SIM2: variants seen among roughly 807,000 people sequenced by gnomAD.
SIM2 encodes SIM bHLH transcription factor 2.
In SIM2, 28 loss-of-function variants were observed where a neutral mutation model predicts 64.8. That is an observed-to-expected ratio of 0.43 (90% CI 0.32 to 0.59). SIM2 has a LOEUF of 0.59. Among genes scored for constraint, SIM2 ranks in the 20% least tolerant of loss-of-function variants. The probability of loss-of-function intolerance (pLI) is 0.07; values close to 1 mark genes in which losing one functional copy is unlikely to be tolerated. For synonymous variants in SIM2, 408 were observed against 391.1 expected, an observed-to-expected ratio of 1.04 and a Z score of -0.51; for missense variants, 847 against 871.4, an observed-to-expected ratio of 0.97 and a Z score of 0.35.
In SIM2 at chr21:36,744,968, G is replaced by A. The variant is rs1413156612; in HGVS notation, c.1408G>A (p.Gly470Arg). 6.2e-7 allele frequency: 1 copy of A among 1,614,148 alleles called. No homozygotes were observed. The highest frequency in any genetic ancestry group is 8.5e-7 in the Non-Finnish European group (1 of 1,180,058). Residue 470 changes from glycine (G) to arginine (R), a missense_variant, in exon 10 of 11, where the codon GGA becomes AGA. Gly to Arg is a moderately radical substitution (Grantham distance 125, BLOSUM62 -2). Around this residue, in one of 3 missense-constraint regions of SIM2, gnomAD observed 447 missense variants for 414.6 expected, o/e 1.08. Coordinates refer to ENST00000290399, the MANE Select transcript of SIM2 (RefSeq NM_005069.6). ...MLPAKFGQPQGSPCEVARFFL... is the reference protein window; with the variant it reads ...MLPAKFGQPQRSPCEVARFFL... ...GCCGGCCAAGTTCGGGCAGCCCCAA[G>A]GATCCCCTTGTGAGGTGGCACGCTT...
chr21:36,701,999 G>C (rs1231829950), intron 1 of SIM2, among the ~76,000 whole-genome samples: 2 of 152,238 alleles, frequency 1.3e-5, no homozygotes, highest in African/African-American at 4.8e-5. Flanking sequence ...AAATTAGTAA[G>C]GGAGGGCCGA....
At chr21:36,720,257 C>T in intron 4 of SIM2, 1 of 261,882 alleles carries the variant, frequency 3.8e-6, no homozygotes, top group Non-Finnish European at 7.4e-6. Flanking sequence ...CTAGACCAAG[C>T]TTCTCCTTAA....
chr21:36,731,152 G>A lies in SIM2; in HGVS notation c.850+1G>A, dbSNP rs763853956. ...CACCTCCGCTACGCACACCACCTCC[G>A]TGAGTAGCACGCCCACCCCAGCCAC... On this transcript the variant is annotated splice_donor_variant, in intron 7 of 10. Coordinates refer to ENST00000290399, the MANE Select transcript of SIM2 (RefSeq NM_005069.6). LOFTEE classifies it high-confidence loss of function. 3.1e-6 allele frequency: 5 copies of A among 1,612,312 alleles called. No homozygotes were observed. The highest frequency in any genetic ancestry group is 2.7e-5 in the African/African-American group (2 of 74,890).
chr21:36,718,193 C>G (rs950279613), intron 3 of SIM2, among the ~76,000 whole-genome samples: 1 of 152,218 alleles, frequency 6.6e-6, no homozygotes, highest in South Asian at 2.1e-4. Flanking sequence ...GAAAGCAACT[C>G]GCTCTTCTTA....
In SIM2 at chr21:36,747,936, AC is replaced by A. The variant is rs1488317428; in HGVS notation, c.1851del (p.Ala618ProfsTer88). The A allele has an allele frequency of 9.7e-7, 1 of 1,028,158 alleles. No homozygotes were observed. The highest frequency in any genetic ancestry group is 5.3e-5 in the Admixed American group (1 of 18,978). The allele number at this position is 1,028,158 out of a possible 1,614,324, so 63.7% of individuals were successfully genotyped here. A position where few individuals can be genotyped will look rare whatever the true frequency, so the allele number is the denominator to read the frequency against. On this transcript the variant is annotated frameshift_variant, in exon 11 of 11. Coordinates refer to ENST00000290399, the MANE Select transcript of SIM2 (RefSeq NM_005069.6). LOFTEE classifies it high-confidence loss of function. The surrounding 1 kb of genome is among the most constrained non-coding windows in gnomAD (Gnocchi z 4.5). ...GGCGCGGACCGCTGGGGGGCGCCGC[AC>A]CCGCCGCCTCCGGCCTGGCCTGCGC... ...ARRGPLGGAA[P>X]AASGLACAPG...
At chr21:36,736,631 G>A (rs879565182) in intron 7 of SIM2, among the ~76,000 whole-genome samples, 3 of 152,228 alleles carry the variant, frequency 2.0e-5, no homozygotes, top group African/African-American at 7.2e-5. Context: ...GGGGGCATGC[G>A]GGCGTCATGT....
chr21:36,703,326 G>A (rs1158193611), intron 1 of SIM2, among the ~76,000 whole-genome samples: 1 of 152,196 alleles, frequency 6.6e-6, no homozygotes, highest in African/African-American at 2.4e-5. Flanking sequence ...TTGTCATGCA[G>A]CGCTACTCGG....
Position 36,699,914 on chromosome 21 carries a change from C to G in SIM2, c.168C>G (p.Phe56Leu), listed in dbSNP as rs1294478906. 6.3e-7 allele frequency: 1 copy of G among 1,599,978 alleles called. No individual in the cohort carries two copies. Among genetic ancestry groups the G allele is most frequent in the Admixed American group, 1.7e-5 (1 of 58,854 alleles). ...TTSYLKMRAV[F>L]PEGLGDAWGQ... ...GCTACCTGAAGATGCGCGCCGTCTT[C>G]CCCGAAGGTGAGGCCTCAGGTGGGC... Residue 56 changes from phenylalanine (F) to leucine (L), a missense_variant, in exon 1 of 11, where the codon TTC (phenylalanine) becomes TTG (leucine). Physicochemically the swap from Phe to Leu is conservative, Grantham distance 22. This residue lies in a region of SIM2 where 397 missense variants were observed against 439.2 expected (regional missense o/e 0.90). Coordinates refer to ENST00000290399, the MANE Select transcript of SIM2 (RefSeq NM_005069.6). The surrounding 1 kb of genome is among the most constrained non-coding windows in gnomAD (Gnocchi z 5.6).
At chr21:36,705,111 A>C (rs1301555633) in intron 1 of SIM2, among the ~76,000 whole-genome samples, 7 of 152,294 alleles carry the variant, frequency 4.6e-5, no homozygotes, top group Non-Finnish European at 1.0e-4. Context: ...TGGTGTTCCC[A>C]AGGGAGCCCC....
At chr21:36,740,530 C>T (rs2089147149) in intron 7 of SIM2, among the ~76,000 whole-genome samples, 2 of 152,100 alleles carry the variant, frequency 1.3e-5, no homozygotes, top group African/African-American at 4.8e-5. Context: ...TGAATAACTC[C>T]GTGCAGCATT....
At chr21:36,741,389 A>G (rs2089156207) in intron 7 of SIM2, among the ~76,000 whole-genome samples, 1 of 152,260 alleles carries the variant, frequency 6.6e-6, no homozygotes, top group African/African-American at 2.4e-5. Context: ...AAAACTAAAA[A>G]GCAGATTGAA....
At chr21:36,725,386 A>G (rs947545016) in intron 5 of SIM2, among the ~76,000 whole-genome samples, 1 of 152,188 alleles carries the variant, frequency 6.6e-6, no homozygotes, top group African/African-American at 2.4e-5. Flanking sequence ...TTACTGGTAC[A>G]GCGTGTCGAG....
rs530792534 is a variant in SIM2, at chr21:36,715,459, G to A, written c.348+2837G>A. 4.7e-4 allele frequency among the ~76,000 whole-genome samples: 72 copies of A among 152,246 alleles called. No homozygotes were observed. In the South Asian group the frequency reaches 0.014, roughly 30 times the overall value. ...GGCTTAAACATTTTTTTTAAGTCAT[G>A]AGAGATAAAAGTGTTAATAAAATTT... On this transcript the variant is annotated intron_variant, in intron 3 of 10. Coordinates refer to ENST00000290399, the MANE Select transcript of SIM2 (RefSeq NM_005069.6).
chr21:36,710,901 G>A (rs1014387152), intron 2 of SIM2, among the ~76,000 whole-genome samples: 2 of 152,176 alleles, frequency 1.3e-5, no homozygotes, highest in African/African-American at 2.4e-5. Context: ...TGTGTTGCAA[G>A]TTTCATACTC....
At chr21:36,744,466 GAGAAAGAAAGAA>G (rs35829364) in intron 9 of SIM2, among the ~76,000 whole-genome samples, 1 of 150,808 alleles carries the variant, frequency 6.6e-6, no homozygotes, top group Non-Finnish European at 1.5e-5. Flanking sequence ...GAAGGAAAAA[GAGAAAGAAAGAA>G]AGAAAGAAAG....
chr21:36,722,101 G>T (rs2088830281), intron 4 of SIM2, among the ~76,000 whole-genome samples: 1 of 152,196 alleles, frequency 6.6e-6, no homozygotes, highest in Non-Finnish European at 1.5e-5. Flanking sequence ...TGTGAGAAAT[G>T]GGCTCTCCCC....
At position 36,747,624 on chromosome 21, in the gene SIM2, G is replaced by T; in HGVS notation, c.1577-41G>T. The T allele has an allele frequency of 8.4e-7, 1 of 1,193,620 alleles. No homozygotes were observed. Among genetic ancestry groups the T allele is most frequent in the Non-Finnish European group, 1.0e-6 (1 of 961,940 alleles). The allele number at this position is 1,193,620 out of a possible 1,614,324, so 73.9% of individuals were successfully genotyped here. A position where few individuals can be genotyped will look rare whatever the true frequency, so the allele number is the denominator to read the frequency against. ...GCTTGGGGGTGGGGTGGCTGCGGCCGCGCCCCTTGCTGCCCTCTAACGTGT... is the reference window on the plus strand; with the variant it reads ...GCTTGGGGGTGGGGTGGCTGCGGCCTCGCCCCTTGCTGCCCTCTAACGTGT... On this transcript the variant is annotated intron_variant, in intron 10 of 10. Coordinates refer to ENST00000290399, the MANE Select transcript of SIM2 (RefSeq NM_005069.6). This position sits in a 1 kb window ranked among gnomAD's most constrained non-coding sequence, Gnocchi z 4.5.
At chr21:36,735,641 G>C (rs1274535065) in intron 7 of SIM2, among the ~76,000 whole-genome samples, 7 of 152,208 alleles carry the variant, frequency 4.6e-5, no homozygotes, top group Non-Finnish European at 8.8e-5. Flanking sequence ...AGGGACCTCA[G>C]GTCTGGACGA....
rs2123463533 is a variant in SIM2 at position 36,726,032 on chromosome 21, T to C, written c.544-87T>C. On this transcript the variant is annotated intron_variant, in intron 5 of 10. Coordinates refer to ENST00000290399, the MANE Select transcript of SIM2 (RefSeq NM_005069.6). This position sits in a 1 kb window ranked among gnomAD's most constrained non-coding sequence, Gnocchi z 4.5. ...GTAGAGGCTGGGCTGGGAGATATTC[T>C]AGCATGTTTGAGAAAATGAGCCAGG... 2 of 1,097,546 alleles carry C rather than the reference T, an allele frequency of 1.8e-6. No individual in the cohort carries two copies. Among genetic ancestry groups the C allele is most frequent in the Non-Finnish European group, 2.7e-6 (2 of 731,622 alleles). 68.0% of individuals were successfully genotyped at this position (1,097,546 alleles called of 1,614,324 possible).
Sources: allele counts gnomAD v4.1 joint callset (sites outside exome capture counted in the v4.1 genomes callset), GRCh38; gene constraint gnomAD v4.1.1; regional missense constraint gnomAD v4.1.1; non-coding constraint Gnocchi (gnomAD v3.1); transcripts MANE v1.5; gene names NCBI Gene and HGNC (gene_info 2026-07-23, HGNC 2026-07-21).